Variants in TRPM3 observed in about 807,000 individuals in gnomAD.
TRPM3 encodes the protein long transient receptor potential channel 3.
A neutral mutation model predicts 181.2 loss-of-function variants in TRPM3; 77 were observed. That is an observed-to-expected ratio of 0.42 (90% CI 0.35 to 0.51). The LOEUF is 0.51. Ranked by LOEUF, TRPM3 falls within the 20% of genes least tolerant of loss-of-function variation. The pLI, the probability that TRPM3 is intolerant of heterozygous loss-of-function variation, is 0.01. For missense variants in TRPM3, 1,759 were observed against 2,196.7 expected, an observed-to-expected ratio of 0.80 and a Z score of 3.98; for synonymous variants, 745 against 796.4, an observed-to-expected ratio of 0.94 and a Z score of 1.09.
Position 71,121,520 on chromosome 9 carries a change from A to T in TRPM3, c.-166T>A. Reference sequence around the variant, plus strand: ...ATACCAAATGTGGCTGAATGGAGGCACACTGCCTGCTGCTTCGGGGAGGGG... The same window carrying T: ...ATACCAAATGTGGCTGAATGGAGGCTCACTGCCTGCTGCTTCGGGGAGGGG... On this transcript the variant is annotated 5_prime_UTR_variant, in exon 1 of 26. Transcript: ENST00000677713. The T allele has an allele frequency of 7.1e-7, 1 of 1,404,276 alleles. No homozygotes were observed. Among genetic ancestry groups the T allele is most frequent in the Admixed American group, 3.0e-5 (1 of 33,466 alleles). The allele number at this position is 1,404,276 out of a possible 1,614,324, so 87.0% of individuals were successfully genotyped here.
intron 8 of TRPM3, among the ~76,000 whole-genome samples, chr9:70,694,487 A>G (rs1311786664): frequency 6.6e-6 from 1 of 151,994 alleles, no homozygotes; most frequent in Non-Finnish European, 1.5e-5. Context: ...CCATATGAAA[A>G]TCTTTTTTTT....
chr9:70,990,689 A>G (rs1166084265), intron 1 of TRPM3, among the ~76,000 whole-genome samples: 1 of 152,172 alleles, frequency 6.6e-6, no homozygotes, highest in Non-Finnish European at 1.5e-5. Context: ...GTGCACACAC[A>G]GGACTGCACA....
intron 1 of TRPM3, among the ~76,000 whole-genome samples, chr9:71,223,607 C>A (rs2080378608): frequency 6.6e-6 from 1 of 152,172 alleles, no homozygotes; most frequent in Non-Finnish European, 1.5e-5. Context: ...CTCTTGGGGT[C>A]CCCAATTCCA....
At chr9:71,075,642 A>T (rs2063351740) in intron 1 of TRPM3, among the ~76,000 whole-genome samples, 1 of 152,222 alleles carries the variant, frequency 6.6e-6, no homozygotes, top group South Asian at 2.1e-4. Context: ...AAGCCATCTA[A>T]TGAGCAGCTT....
At chr9:71,199,731 A>T (rs1262463913) in intron 1 of TRPM3, among the ~76,000 whole-genome samples, 10 of 149,498 alleles carry the variant, frequency 6.7e-5, no homozygotes, top group Non-Finnish European at 4.4e-5. Flanking sequence ...CCCCTTTATC[A>T]TTTTTTTTGC....
intron 1 of TRPM3, among the ~76,000 whole-genome samples, chr9:71,426,034 T>C (rs1261673388): frequency 6.6e-6 from 1 of 152,080 alleles, no homozygotes; most frequent in African/African-American, 2.4e-5. Context: ...TCTAATATTA[T>C]ACCCCTTGTG....
intron 1 of TRPM3, among the ~76,000 whole-genome samples, chr9:71,172,791 A>T (rs1201872586): frequency 2.0e-5 from 3 of 152,202 alleles, no homozygotes; most frequent in Non-Finnish European, 1.5e-5. Flanking sequence ...CTTCCCATGG[A>T]ACTGAAATGA....
intron 1 of TRPM3, among the ~76,000 whole-genome samples, chr9:71,356,899 C>T (rs1371221324): frequency 1.3e-5 from 2 of 152,086 alleles, no homozygotes; most frequent in African/African-American, 4.8e-5. Context: ...CCCCAAGGCC[C>T]TTATTGCATT....
chr9:70,565,197 G>T (rs558252907), intron 22 of TRPM3, among the ~76,000 whole-genome samples: 2 of 152,362 alleles, frequency 1.3e-5, no homozygotes, highest in South Asian at 4.1e-4. Context: ...CCCTTGTATA[G>T]TGGGCTAACA....
intron 6 of TRPM3, among the ~76,000 whole-genome samples, chr9:70,790,036 C>T (rs1230930683): frequency 1.3e-5 from 2 of 152,180 alleles, no homozygotes; most frequent in African/African-American, 4.8e-5. Flanking sequence ...ACTCTCTCTG[C>T]TGATATGAAA....
At chr9:71,382,075 T>C (rs1438923269) in intron 1 of TRPM3, among the ~76,000 whole-genome samples, 1 of 152,156 alleles carries the variant, frequency 6.6e-6, no homozygotes, top group African/African-American at 2.4e-5. Flanking sequence ...TGTTTAAAAC[T>C]GTGGTACTGG....
At chr9:70,895,184 G>C (rs1269478085) in intron 1 of TRPM3, among the ~76,000 whole-genome samples, 1 of 152,146 alleles carries the variant, frequency 6.6e-6, no homozygotes, top group African/African-American at 2.4e-5. Flanking sequence ...CTGAAAACAG[G>C]CAGCGCTGCA....
intron 1 of TRPM3, among the ~76,000 whole-genome samples, chr9:71,389,121 C>T (rs368161430): frequency 1.3e-5 from 2 of 151,882 alleles, no homozygotes; most frequent in African/African-American, 4.8e-5. Context: ...GAATCTACAA[C>T]GAACTCAAAG....
intron 1 of TRPM3, among the ~76,000 whole-genome samples, chr9:71,334,158 A>G (rs1434641445): frequency 6.6e-6 from 1 of 151,804 alleles, no homozygotes; most frequent in African/African-American, 2.4e-5. Flanking sequence ...TGGTACAAGT[A>G]GGCACAACCA....
At chr9:71,197,956 T>G (rs1188780973) in intron 1 of TRPM3, among the ~76,000 whole-genome samples, 3 of 151,482 alleles carry the variant, frequency 2.0e-5, no homozygotes, top group African/African-American at 7.3e-5. Context: ...CATGCCTATG[T>G]CCTGAATGGT....
chr9:70,977,503 A>G (rs1272189689), intron 1 of TRPM3, among the ~76,000 whole-genome samples: 1 of 152,174 alleles, frequency 6.6e-6, no homozygotes, highest in Non-Finnish European at 1.5e-5. Flanking sequence ...ACACCAACCA[A>G]TTCTCCAACT....
At chr9:71,203,759 T>G (rs961140962) in intron 1 of TRPM3, among the ~76,000 whole-genome samples, 1 of 152,180 alleles carries the variant, frequency 6.6e-6, no homozygotes, top group African/African-American at 2.4e-5. Context: ...ATGGGGAGCT[T>G]TATACAAGTA....
intron 1 of TRPM3, among the ~76,000 whole-genome samples, chr9:71,435,678 C>A (rs1406697888): frequency 1.3e-5 from 2 of 152,182 alleles, no homozygotes; most frequent in Non-Finnish European, 2.9e-5. Context: ...AAAGTAATAT[C>A]TCAATGCCTA....
chr9:71,345,234 T>G (rs1214715991), intron 1 of TRPM3, among the ~76,000 whole-genome samples: 1 of 152,312 alleles, frequency 6.6e-6, no homozygotes, highest in African/African-American at 2.4e-5. Flanking sequence ...TCAATCCCAT[T>G]ACTGGGTATA....
Sources: gnomAD v4.1 joint callset for allele counts (sites outside exome capture counted in the v4.1 genomes callset) on GRCh38, gnomAD v4.1.1 for gene constraint, MANE v1.5 for transcripts, NCBI Gene and HGNC (gene_info 2026-07-23, HGNC 2026-07-21) for gene names.